Variants in KCNC4 observed in about 807,000 individuals in gnomAD.
KCNC4 encodes voltage-gated potassium channel KCNC4.
In KCNC4, 23 loss-of-function variants were observed where a neutral mutation model predicts 42.8. The observed-to-expected ratio is 0.54, with a 90% CI of 0.39 to 0.76. KCNC4 has a LOEUF of 0.76. Ranked by LOEUF, KCNC4 falls within the 30% of genes least tolerant of loss-of-function variation. KCNC4 has a pLI of 0.00. For missense variants in KCNC4, 751 were observed against 898.2 expected (o/e 0.84, Z 2.10); for synonymous variants, 422 against 393.5 (o/e 1.07, Z -0.86).
chr1:110,259,430 A>G (rs749046831), intron 1 of KCNC4, among the ~76,000 whole-genome samples: 4 of 152,164 alleles, frequency 2.6e-5, no homozygotes, highest in Non-Finnish European at 5.9e-5. Flanking sequence ...CCTCCCCTTC[A>G]TCTTACTAAA....
At chr1:110,226,469 C>T (rs1571046527) in intron 3 of KCNC4, among the ~76,000 whole-genome samples, 1 of 152,350 alleles carries the variant, frequency 6.6e-6, no homozygotes, top group Middle Eastern at 3.4e-3. Flanking sequence ...GCTTCCATTG[C>T]ATCTCTTTTT....
rs368623624 is a variant in KCNC4 at position 110,232,924 on chromosome 1, C to T, written c.1833C>T (p.Asp611=). The part of the protein sequence containing the change: ...DGSVRKETCQ[D]ALSSNYAQAE... ...CTTTAAACACAGAGACCTGCCAAGA[C>T]GCCCTCTCGTCCAACTATGCCCAGG... The change falls in exon 4 of 4, where the codon GAC becomes GAT. Residue 611 remains aspartate, a synonymous_variant. Coordinates refer to ENST00000438661, the MANE Select transcript of KCNC4 (RefSeq NM_001039574.3). 382 of 1,611,850 alleles carry T rather than the reference C, an allele frequency of 2.4e-4. 1 individual carries two copies. Among genetic ancestry groups the T allele is most frequent in the African/African-American group, 8.4e-4 (63 of 74,876 alleles).
downstream of KCNC4, among the ~76,000 whole-genome samples, chr1:110,249,927 A>T (rs1348149835): frequency 6.6e-6 from 1 of 152,202 alleles, no homozygotes; most frequent in East Asian, 1.9e-4. Flanking sequence ...CCTAGCAACC[A>T]GCATTCTACT....
At position 110,233,413 on chromosome 1, in the gene KCNC4, G is replaced by T. The variant is rs1050034156; in HGVS notation, c.*441G>T. 2 of 213,914 alleles carry T rather than the reference G, an allele frequency of 9.3e-6. No homozygotes were observed. The highest frequency in any genetic ancestry group is 5.3e-5 in the Admixed American group (1 of 18,882). The allele number at this position is 213,914 out of a possible 1,614,324, so 13.3% of individuals were successfully genotyped here. On this transcript the variant is annotated 3_prime_UTR_variant, in exon 4 of 4. Coordinates refer to ENST00000438661, the MANE Select transcript of KCNC4 (RefSeq NM_001039574.3). ...CTGGGTAGTCCCAGGCTCCTGTCTT[G>T]GGGATGTTTCCCCTGTCAGCAAGTA... is the stretch of plus-strand genomic sequence containing the variant.
intron 1 of KCNC4, among the ~76,000 whole-genome samples, chr1:110,260,727 G>A (rs1203513255): frequency 1.3e-5 from 2 of 152,154 alleles, no homozygotes; most frequent in African/African-American, 4.8e-5. Flanking sequence ...TCAGGAGATC[G>A]AGACAATCCT....
rs1364948584 is a variant in KCNC4, at chr1:110,211,074, C to G, written c.-426C>G. ...TCCGGGGCTTGGTGCGGTCTTGGAGCCGGAGGGTGGCCCGTGTGAGCGCGA... is the reference window on the plus strand; with the variant it reads ...TCCGGGGCTTGGTGCGGTCTTGGAGGCGGAGGGTGGCCCGTGTGAGCGCGA... On this transcript the variant is annotated 5_prime_UTR_variant, in exon 1 of 4. Coordinates refer to ENST00000438661, the MANE Select transcript of KCNC4 (RefSeq NM_001039574.3). This position sits in a 1 kb window ranked among gnomAD's most constrained non-coding sequence, Gnocchi z 6.5. Among the ~76,000 whole-genome samples the G allele has an allele frequency of 6.6e-6, 1 of 152,236 alleles. No homozygotes were observed. Among genetic ancestry groups the G allele is most frequent in the African/African-American group, 2.4e-5 (1 of 41,462 alleles).
At chr1:110,251,187 C>G (rs183160115), downstream of KCNC4, among the ~76,000 whole-genome samples, 3 of 152,120 alleles carry the variant, frequency 2.0e-5, no homozygotes, top group Admixed American at 2.0e-4. Flanking sequence ...CTTAAAGAGT[C>G]CACTTAGAGG....
downstream of KCNC4, among the ~76,000 whole-genome samples, chr1:110,283,543 T>A (rs898737115): frequency 9.9e-5 from 15 of 152,246 alleles, no homozygotes; most frequent in African/African-American, 3.1e-4. Context: ...ACTGACTGGT[T>A]GTATTATTTG....
rs1354378932 is a variant in KCNC4 at position 110,211,982 on chromosome 1, C to A, written c.483C>A (p.Phe161Leu). Reference sequence around the variant, plus strand: ...ACGCCGAGGAGGCGCTCGACATCTTCGAGAGCCCGGACGGAGGCGGCAGCG... The same window carrying A: ...ACGCCGAGGAGGCGCTCGACATCTTAGAGAGCCCGGACGGAGGCGGCAGCG... ...HRDAEEALDI[F>L]ESPDGGGSGA... The change falls in exon 1 of 4, where the codon TTC (phenylalanine) becomes TTA (leucine). Residue 161 changes from phenylalanine to leucine, a missense_variant. Phe to Leu is a conservative substitution (Grantham distance 22, BLOSUM62 0). Transcript: ENST00000438661. The surrounding 1 kb of genome is among the most constrained non-coding windows in gnomAD (Gnocchi z 6.5). 2.5e-6 allele frequency: 4 copies of A among 1,610,392 alleles called. No homozygotes were observed. The highest frequency in any genetic ancestry group is 2.5e-6 in the Non-Finnish European group (3 of 1,179,404).
chr1:110,277,793 G>C (rs986705021), intron 1 of KCNC4, among the ~76,000 whole-genome samples: 3 of 152,168 alleles, frequency 2.0e-5, no homozygotes, highest in Non-Finnish European at 4.4e-5. Context: ...ATCTCACTAG[G>C]TGCAGATTTA....
At chr1:110,222,794 T>G in intron 1 of KCNC4, 170 bp from the exon 2 acceptor site, 1 of 587,976 alleles carries the variant, frequency 1.7e-6, no homozygotes. Context: ...CCCAAGCATA[T>G]GGATAAAGAC....
rs59123361 is a variant in KCNC4 at position 110,223,832 on chromosome 1, G to A, written c.1547G>A (p.Arg516Gln). 148,602 of 1,612,466 alleles carry A rather than the reference G, an allele frequency of 0.092. 7,504 individuals are homozygous for A. The highest frequency in any genetic ancestry group is 0.11 in the Admixed American group (6,356 of 59,998). ...TGCAAGTCTGAGGAGACTTCCCCCC[G>A]GGACAGCACCTGCAGTGATACCAGC... Reference protein sequence around the residue: ...MYCKSEETSPRDSTCSDTSPP... With the variant: ...MYCKSEETSPQDSTCSDTSPP... Residue 516 changes from arginine (R) to glutamine (Q), a missense_variant, in exon 2 of 4, where the codon CGG (arginine) becomes CAG (glutamine). Transcript: ENST00000438661. The surrounding 1 kb of genome is among the most constrained non-coding windows in gnomAD (Gnocchi z 7.5).
At chr1:110,250,152 G>A (rs575572890), downstream of KCNC4, among the ~76,000 whole-genome samples, 7 of 152,020 alleles carry the variant, frequency 4.6e-5, no homozygotes, top group East Asian at 3.9e-4. Context: ...CCCCTTTCCC[G>A]GGCTCCCCCA....
At chr1:110,236,566 C>T (rs1029525567), downstream of KCNC4, 1 of 152,178 alleles carries the variant, frequency 6.6e-6, no homozygotes, top group Non-Finnish European at 1.5e-5. Context: ...GTGTATGTAC[C>T]CCACCCCACA....
At chr1:110,220,715 TGGCCAC>T (rs936526473) in intron 1 of KCNC4, 6 of 152,176 alleles carry the variant, frequency 3.9e-5, no homozygotes, top group African/African-American at 1.2e-4. Context: ...ACTCCTGGCA[TGGCCAC>T]GGCCACGGAC....
rs1357519605 is a variant in KCNC4 at position 110,226,177 on chromosome 1, A to G, written c.1818A>G (p.Lys606=). 1 of 1,614,024 alleles carries G rather than the reference A, an allele frequency of 6.2e-7. No homozygotes were observed. The highest frequency in any genetic ancestry group is 1.7e-5 in the Admixed American group (1 of 60,018). The change falls in exon 3 of 4, where the codon AAA becomes AAG. Residue 606 remains lysine, a splice_region_variant and synonymous_variant. Coordinates refer to ENST00000438661, the MANE Select transcript of KCNC4 (RefSeq NM_001039574.3). ...CCTGCGCCGATGGTAGTGTCCGGAA[A>G]GGTATGGCTTCCCAAGCTGGACAGG... The part of the protein sequence containing the change: ...DYACADGSVR[K]ETCQDALSSN...
At chr1:110,280,468 G>A (rs1570589135) in intron 1 of KCNC4, among the ~76,000 whole-genome samples, 1 of 151,388 alleles carries the variant, frequency 6.6e-6, no homozygotes, top group Non-Finnish European at 1.5e-5. Context: ...AACAAGTCCC[G>A]TGAAATTGGC....
chr1:110,211,995 G>C lies in KCNC4; in HGVS notation c.496G>C (p.Gly166Arg), dbSNP rs767520363. 1.2e-4 allele frequency: 198 copies of C among 1,608,254 alleles called. No homozygotes were observed. Among genetic ancestry groups the C allele is most frequent in the Non-Finnish European group, 1.6e-4 (193 of 1,178,464 alleles). Residue 166 changes from glycine to arginine, a missense_variant, in exon 1 of 4, where the codon GGA becomes CGA. By Grantham distance (125) the Gly-to-Arg change is moderately radical. Transcript: ENST00000438661. This position sits in a 1 kb window ranked among gnomAD's most constrained non-coding sequence, Gnocchi z 6.5. ...EALDIFESPDGGGSGAGPSDE... is the reference protein window; with the variant it reads ...EALDIFESPDRGGSGAGPSDE... ...GCTCGACATCTTCGAGAGCCCGGACGGAGGCGGCAGCGGCGCGGGGCCCAG... is the reference window on the plus strand; with the variant it reads ...GCTCGACATCTTCGAGAGCCCGGACCGAGGCGGCAGCGGCGCGGGGCCCAG...
At chr1:110,269,678 TTG>T (rs1469561467) in intron 1 of KCNC4, among the ~76,000 whole-genome samples, 1 of 152,158 alleles carries the variant, frequency 6.6e-6, no homozygotes, top group Admixed American at 6.5e-5. Flanking sequence ...GATTTATGAG[TTG>T]TAAGGTAAGT....
Sources: allele counts gnomAD v4.1 joint callset (sites outside exome capture counted in the v4.1 genomes callset), GRCh38; gene constraint gnomAD v4.1.1; non-coding constraint Gnocchi (gnomAD v3.1); transcripts MANE v1.5; gene names NCBI Gene and HGNC (gene_info 2026-07-23, HGNC 2026-07-21).